The following SCTR variants were observed in gnomAD, a reference collection of about 807,000 sequenced individuals.
The protein encoded by SCTR is pancreatic secretin receptor.
A neutral mutation model predicts 60.8 loss-of-function variants in SCTR; 56 were observed. The ratio of observed to expected loss-of-function variants is 0.92; its 90% CI spans 0.74 to 1.15. The LOEUF (loss-of-function observed/expected upper bound fraction) is 1.15, where lower values mean the gene tolerates loss of function less well. Among genes scored for constraint, SCTR ranks in the 50% most tolerant of loss-of-function variants. The pLI is 0.00. For synonymous variants in SCTR, 202 were observed against 217.0 expected (o/e 0.93, Z 0.61); for missense variants, 562 against 550.4 (o/e 1.02, Z -0.21).
chr2:119,523,389 CCGCTATTATTAT>C lies in SCTR; in HGVS notation c.72+754_72+765del, dbSNP rs565089770. 5.0e-3 allele frequency among the ~76,000 whole-genome samples: 711 copies of C among 141,258 alleles called. 3 individuals carry two copies. The highest frequency in any genetic ancestry group is 0.017 in the African/African-American group (660 of 37,990). 92.7% of individuals were successfully genotyped at this position (141,258 alleles called of 152,430 possible). ...AAAGAAAAACAAACCACCCATCCTGCCGCTATTATTATTATTATTATTATTATTATTATTATT... is the reference window on the plus strand; with the variant it reads ...AAAGAAAAACAAACCACCCATCCTGCTATTATTATTATTATTATTATTATT... On this transcript the variant is annotated intron_variant, in intron 1 of 12. Coordinates refer to ENST00000019103, the MANE Select transcript of SCTR (RefSeq NM_002980.3).
At chr2:119,500,143 T>C (rs1273442108) in intron 1 of SCTR, among the ~76,000 whole-genome samples, 1 of 151,990 alleles carries the variant, frequency 6.6e-6, no homozygotes, top group African/African-American at 2.4e-5. Context: ...AAAACCACAA[T>C]GAGACAGTAT....
At chr2:119,471,109 G>A (rs1229809639) in intron 4 of SCTR, among the ~76,000 whole-genome samples, 1 of 152,120 alleles carries the variant, frequency 6.6e-6, no homozygotes, top group Non-Finnish European at 1.5e-5. Flanking sequence ...GTGATTCTGT[G>A]GTGCTGCCTC....
At chr2:119,505,715 G>A (rs1016929982) in intron 1 of SCTR, among the ~76,000 whole-genome samples, 4 of 150,206 alleles carry the variant, frequency 2.7e-5, no homozygotes, top group African/African-American at 7.4e-5. Flanking sequence ...GTGGGGTGGC[G>A]GGAGGGGGGA....
Position 119,519,591 on chromosome 2 carries a change from G to C in SCTR, c.72+4564C>G, listed in dbSNP as rs192414082. 4.5e-4 allele frequency among the ~76,000 whole-genome samples: 68 copies of C among 151,968 alleles called. 1 individual carries two copies. The highest frequency in any genetic ancestry group is 1.6e-3 in the African/African-American group (66 of 41,470). ...GGAGGCCAAGGTGGGTGGATCACGA[G>C]GTCAGGAGTTCAAGACAAGCCTGGC... is the stretch of plus-strand genomic sequence containing the variant. On this transcript the variant is annotated intron_variant, in intron 1 of 12. Coordinates refer to ENST00000019103, the MANE Select transcript of SCTR (RefSeq NM_002980.3).
chr2:119,466,022 C>G, intron 4 of SCTR, 136 bp from the exon 5 acceptor site: 1 of 634,900 alleles, frequency 1.6e-6, no homozygotes, highest in Non-Finnish European at 2.9e-6. Flanking sequence ...CGCCAATTCA[C>G]AGACACATAA....
intron 5 of SCTR, among the ~76,000 whole-genome samples, chr2:119,464,701 C>T (rs1328723094): frequency 6.6e-6 from 1 of 152,166 alleles, no homozygotes; most frequent in Non-Finnish European, 1.5e-5. Context: ...TGCACTCCAG[C>T]CTCAGCAGCA....
intron 1 of SCTR, among the ~76,000 whole-genome samples, chr2:119,496,538 T>C (rs368117853): frequency 2.2e-4 from 34 of 152,236 alleles, no homozygotes; most frequent in African/African-American, 7.7e-4. Flanking sequence ...CTGGACATTA[T>C]ATACAAAACA....
chr2:119,464,980 G>C (rs1246977831), intron 5 of SCTR, among the ~76,000 whole-genome samples: 1 of 152,162 alleles, frequency 6.6e-6, no homozygotes, highest in Non-Finnish European at 1.5e-5. Context: ...TCTGCTGCAG[G>C]GGACAGAAGT....
At chr2:119,445,641 G>A (rs1324202606) in intron 11 of SCTR, among the ~76,000 whole-genome samples, 2 of 152,198 alleles carry the variant, frequency 1.3e-5, no homozygotes, top group Non-Finnish European at 2.9e-5. Flanking sequence ...CCCTACCGTG[G>A]AAATGTCGTT....
intron 6 of SCTR, among the ~76,000 whole-genome samples, chr2:119,463,337 TA>T (rs918483331): frequency 6.6e-6 from 1 of 152,048 alleles, no homozygotes; most frequent in Admixed American, 6.6e-5. Context: ...GCCCAAAAGA[TA>T]AAAAAATGTT....
intron 7 of SCTR, 129 bp downstream of exon 7, chr2:119,461,711 CAAAAAAA>C (rs539293803): frequency 3.3e-4 from 96 of 290,990 alleles, no homozygotes; most frequent in South Asian, 5.1e-4. Flanking sequence ...AACTCCAACT[CAAAAAAA>C]AAAAAAAAAA....
chr2:119,491,807 G>A (rs1018854589), intron 2 of SCTR, among the ~76,000 whole-genome samples: 1 of 152,132 alleles, frequency 6.6e-6, no homozygotes, highest in African/African-American at 2.4e-5. Flanking sequence ...CGCTGTGCCC[G>A]GCAATCAATT....
intron 1 of SCTR, among the ~76,000 whole-genome samples, chr2:119,510,847 G>T (rs79427278): frequency 0.015 from 2,247 of 151,894 alleles, 54 homozygotes; most frequent in African/African-American, 0.051. Context: ...TGCTCTCCAG[G>T]CAACCATTTT....
intron 1 of SCTR, among the ~76,000 whole-genome samples, chr2:119,505,328 G>C (rs1294476624): frequency 1.4e-5 from 2 of 138,504 alleles, no homozygotes; most frequent in East Asian, 2.4e-4. Flanking sequence ...GTTGTGTGGT[G>C]GGGGGAGGGG....
At position 119,461,871 on chromosome 2, in the gene SCTR, G is replaced by T. The variant is rs760491667; in HGVS notation, c.766C>A (p.Gln256Lys). The change falls in exon 7 of 13, where the codon CAG (glutamine) becomes AAG (lysine). Residue 256 changes from glutamine to lysine, a missense_variant. Transcript: ENST00000019103. ...CCCCATCCGAATGCCACAAATCCCT[G>T]GAGGTACTTTCTTTCAGAGAAGAAG... The part of the protein sequence containing the change: ...ISFFSERKYL[Q>K]GFVAFGWGSP... 1 of 1,613,816 alleles carries T rather than the reference G, an allele frequency of 6.2e-7. No homozygotes were observed. The highest frequency in any genetic ancestry group is 8.5e-7 in the Non-Finnish European group (1 of 1,179,842).
chr2:119,506,512 C>G (rs878993194), intron 1 of SCTR, among the ~76,000 whole-genome samples: 1 of 151,540 alleles, frequency 6.6e-6, no homozygotes, highest in Non-Finnish European at 1.5e-5. Flanking sequence ...GACAGGGTCT[C>G]GCTCAGTCAC....
chr2:119,471,500 T>A (rs55730764), intron 4 of SCTR, among the ~76,000 whole-genome samples: 23,513 of 152,222 alleles, frequency 0.15, 2,237 homozygotes, highest in Non-Finnish European at 0.22. Context: ...CTGCTTCCTC[T>A]CCCTTGGAGC....
At chr2:119,521,705 A>T (rs564234475) in intron 1 of SCTR, among the ~76,000 whole-genome samples, 86 of 152,294 alleles carry the variant, frequency 5.6e-4, no homozygotes, top group Middle Eastern at 3.4e-3. Context: ...CATTGGGAAG[A>T]TGCCTATAAT....
At chr2:119,446,716 G>T (rs775463791) in intron 11 of SCTR, 43 bp downstream of exon 11, 4 of 1,428,270 alleles carry the variant, frequency 2.8e-6, no homozygotes, top group East Asian at 2.6e-5. Context: ...AGGACACAGA[G>T]AACTCCTCTT....
Sources: gnomAD v4.1 joint callset for allele counts (sites outside exome capture counted in the v4.1 genomes callset) on GRCh38, gnomAD v4.1.1 for gene constraint, MANE v1.5 for transcripts, NCBI Gene and HGNC (gene_info 2026-07-23, HGNC 2026-07-21) for gene names.